GGA1: variants seen among roughly 807,000 people sequenced by gnomAD.
GGA1 encodes the protein ADP-ribosylation factor-binding protein GGA1.
Under a neutral mutation model 76.9 loss-of-function variants are expected in GGA1, and 18 were observed. That is an observed-to-expected ratio of 0.23 (90% CI 0.16 to 0.35). The LOEUF is 0.35. Among genes scored for constraint, GGA1 ranks in the 10% least tolerant of loss-of-function variants. The probability of loss-of-function intolerance (pLI) is 1.00; values close to 1 mark genes in which losing one functional copy is unlikely to be tolerated. For missense variants in GGA1, 755 were observed against 859.0 expected (o/e 0.88, Z 1.51); for synonymous variants, 342 against 354.7 (o/e 0.96, Z 0.40).
chr22:37,609,104 C>T (rs1487999233), intron 1 of GGA1: 2 of 1,485,442 alleles, frequency 1.3e-6, no homozygotes, highest in Non-Finnish European at 1.8e-6. Flanking sequence ...GCGGTGGGAG[C>T]GGGCGCCGCC....
At chr22:37,612,875 GT>G in intron 1 of GGA1, 1 of 978,296 alleles carries the variant, frequency 1.0e-6, no homozygotes. Context: ...AGTATTGGGG[GT>G]TAAAGGGGTA....
chr22:37,619,926 TC>T, intron 4 of GGA1: 1 of 682,938 alleles, frequency 1.5e-6, no homozygotes, highest in East Asian at 2.7e-5. Context: ...GGCTCCTCTT[TC>T]CTGGGATGTC....
chr22:37,613,494 G>A (rs1250575294), intron 1 of GGA1, among the ~76,000 whole-genome samples: 5 of 152,010 alleles, frequency 3.3e-5, no homozygotes, highest in Admixed American at 2.6e-4. Context: ...TCCGCCTCCC[G>A]GGTTCACGCC....
chr22:37,616,510 G>A (rs1928819994), intron 2 of GGA1, among the ~76,000 whole-genome samples: 1 of 152,186 alleles, frequency 6.6e-6, no homozygotes, highest in Non-Finnish European at 1.5e-5. Context: ...TGCCACAGCA[G>A]AACGTCCTTT....
chr22:37,615,189 T>C (rs1928533262), intron 2 of GGA1, among the ~76,000 whole-genome samples: 1 of 152,176 alleles, frequency 6.6e-6, no homozygotes, highest in African/African-American at 2.4e-5. Context: ...CTCACGCCTG[T>C]AATCCCAGCA....
chr22:37,616,902 G>T lies in GGA1; in HGVS notation c.129-20G>T, dbSNP rs1228584825. 1 of 1,593,220 alleles carries T rather than the reference G, an allele frequency of 6.3e-7. No individual in the cohort carries two copies. Among genetic ancestry groups the T allele is most frequent in the South Asian group, 1.1e-5 (1 of 88,054 alleles). Reference sequence around the variant, plus strand: ...GGGACTCCGTGGCGACTCTGGCTCTGTGTTGTTCCTCCCACCCAGGCCTCC... The same window carrying T: ...GGGACTCCGTGGCGACTCTGGCTCTTTGTTGTTCCTCCCACCCAGGCCTCC... On this transcript the variant is annotated intron_variant, in intron 2 of 16. Transcript: ENST00000343632.
Position 37,608,859 on chromosome 22 carries a change from G to A in GGA1, c.-2G>A, listed in dbSNP as rs571241611. The A allele has an allele frequency of 7.6e-6, 10 of 1,307,306 alleles. No individual in the cohort carries two copies. The highest frequency in any genetic ancestry group is 9.7e-6 in the Non-Finnish European group (10 of 1,029,168). 81.0% of individuals were successfully genotyped at this position (1,307,306 alleles called of 1,614,324 possible). A position where few individuals can be genotyped will look rare whatever the true frequency, so the allele number is the denominator to read the frequency against. On this transcript the variant is annotated 5_prime_UTR_variant, in exon 1 of 17. Coordinates refer to ENST00000343632, the MANE Select transcript of GGA1 (RefSeq NM_013365.5). ...GGTGCCGAGGCTGGGGGCCGGTGGC[G>A]GATGGAGCCCGCGATGGAGCCGGAG... is the stretch of plus-strand genomic sequence containing the variant.
intron 1 of GGA1, chr22:37,613,318 G>T: frequency 4.6e-6 from 1 of 215,390 alleles, no homozygotes; most frequent in Non-Finnish European, 7.9e-6. Context: ...ACTCCTCCTG[G>T]TCCCTGCTTG....
intron 14 of GGA1, 49 bp from the exon 15 acceptor site, chr22:37,631,947 G>A: frequency 1.3e-6 from 2 of 1,539,080 alleles, no homozygotes; most frequent in Non-Finnish European, 1.8e-6. Context: ...GGGCTGAGCG[G>A]ATGTGCTGCA....
At chr22:37,622,197 A>G (rs1438271899) in intron 7 of GGA1, among the ~76,000 whole-genome samples, 5 of 150,366 alleles carry the variant, frequency 3.3e-5, no homozygotes, top group East Asian at 2.0e-4. Flanking sequence ...TCCCACCTCA[A>G]CCTCCCAGGC....
chr22:37,632,849 T>TA lies in GGA1; in HGVS notation c.*139dup. On this transcript the variant is annotated 3_prime_UTR_variant, in exon 17 of 17. Transcript: ENST00000343632. This position sits in a 1 kb window ranked among gnomAD's most constrained non-coding sequence, Gnocchi z 5.1. ...CCTGGTGCTTCTCCCCACACCCCTG[T>TA]AGGCCTCAAGTGACTCTTCCCCCTC... 1.6e-6 allele frequency: 1 copy of TA among 629,830 alleles called. No homozygotes were observed. Among genetic ancestry groups the TA allele is most frequent in the Non-Finnish European group, 2.9e-6 (1 of 346,390 alleles). 39.0% of individuals were successfully genotyped at this position (629,830 alleles called of 1,614,324 possible). A position where few individuals can be genotyped will look rare whatever the true frequency, so the allele number is the denominator to read the frequency against.
At position 37,618,434 on chromosome 22, in the gene GGA1, C is replaced by G; in HGVS notation, c.205-14C>G. 6.4e-7 allele frequency: 1 copy of G among 1,556,552 alleles called. No individual in the cohort carries two copies. Among genetic ancestry groups the G allele is most frequent in the Non-Finnish European group, 8.9e-7 (1 of 1,127,990 alleles). The stretch of plus-strand genomic sequence containing the variant: ...GCACCTGGGCGTCCCCTCCCATCCC[C>G]CCTCCCTGCACAGGTGCTGGAAACA... On this transcript the variant is annotated splice_polypyrimidine_tract_variant and intron_variant, in intron 3 of 16. Coordinates refer to ENST00000343632, the MANE Select transcript of GGA1 (RefSeq NM_013365.5).
In GGA1 at chr22:37,623,973, G is replaced by A. The variant is rs1287336836; in HGVS notation, c.832+340G>A. ...AACAGTGGCAGAGCCAGGGGAGACG[G>A]AGGGCCATCTGCCCCCAGACCTTCC... On this transcript the variant is annotated intron_variant, in intron 9 of 16. Coordinates refer to ENST00000343632, the MANE Select transcript of GGA1 (RefSeq NM_013365.5). The surrounding 1 kb of genome is among the most constrained non-coding windows in gnomAD (Gnocchi z 4.6). The A allele has an allele frequency of 3.7e-6, 1 of 270,904 alleles. No homozygotes were observed. Among genetic ancestry groups the A allele is most frequent in the Non-Finnish European group, 7.2e-6 (1 of 138,368 alleles). The allele number at this position is 270,904 out of a possible 1,614,324, so 16.8% of individuals were successfully genotyped here.
rs1360510622 is a variant in GGA1, at chr22:37,623,271, G to T, written c.610-56G>T. The T allele has an allele frequency of 6.5e-6, 10 of 1,529,380 alleles. No homozygotes were observed. The Admixed American group carries it at 1.7e-4, about 26-fold the overall frequency. 94.7% of individuals were successfully genotyped at this position (1,529,380 alleles called of 1,614,324 possible). A position where few individuals can be genotyped will look rare whatever the true frequency, so the allele number is the denominator to read the frequency against. Reference sequence around the variant, plus strand: ...CACACATTCTCTCAAGTGGCAGGGGGCAGTGCCTCGTCCAGGCCAAAGGTT... The same window carrying T: ...CACACATTCTCTCAAGTGGCAGGGGTCAGTGCCTCGTCCAGGCCAAAGGTT... On this transcript the variant is annotated intron_variant, in intron 7 of 16. Transcript: ENST00000343632. This position sits in a 1 kb window ranked among gnomAD's most constrained non-coding sequence, Gnocchi z 4.6.
intron 14 of GGA1, 39 bp downstream of exon 14, chr22:37,631,138 A>T (rs777534102): frequency 6.9e-7 from 1 of 1,448,992 alleles, no homozygotes; most frequent in Non-Finnish European, 9.3e-7. Flanking sequence ...GGGTTGGGTC[A>T]GCTTGCTGCC....
chr22:37,630,571 CTT>C, intron 13 of GGA1: 1 of 444,544 alleles, frequency 2.2e-6, no homozygotes, highest in Non-Finnish European at 4.0e-6. Context: ...CAAAGAATCA[CTT>C]TTTCTTTTTT....
chr22:37,624,741 T>C lies in GGA1; in HGVS notation c.833-228T>C. On this transcript the variant is annotated intron_variant, in intron 9 of 16. Coordinates refer to ENST00000343632, the MANE Select transcript of GGA1 (RefSeq NM_013365.5). This position sits in a 1 kb window ranked among gnomAD's most constrained non-coding sequence, Gnocchi z 4.3. ...CCTGGAGGCGGGAGCGGGCCCAGTG[T>C]GTTGAGACAGCCCAGGCAGTATGGC... 1.9e-6 allele frequency: 1 copy of C among 518,428 alleles called. No homozygotes were observed. Among genetic ancestry groups the C allele is most frequent in the Non-Finnish European group, 3.4e-6 (1 of 289,964 alleles). The allele number at this position is 518,428 out of a possible 1,614,324, so 32.1% of individuals were successfully genotyped here. A position where few individuals can be genotyped will look rare whatever the true frequency, so the allele number is the denominator to read the frequency against.
intron 5 of GGA1, 135 bp from the exon 6 acceptor site, chr22:37,620,678 G>A: frequency 1.5e-6 from 1 of 687,956 alleles, no homozygotes; most frequent in Admixed American, 2.2e-5. Context: ...AGGCCACTAA[G>A]AGTCCAGAGC....
In GGA1 at chr22:37,623,465, A is replaced by G. The variant is rs1265847645; in HGVS notation, c.748A>G (p.Lys250Glu). 1 of 1,613,868 alleles carries G rather than the reference A, an allele frequency of 6.2e-7. No individual in the cohort carries two copies. Among genetic ancestry groups the G allele is most frequent in the Non-Finnish European group, 8.5e-7 (1 of 1,179,950 alleles). The change falls in exon 8 of 17, where the codon AAG becomes GAG. Residue 250 changes from lysine (K) to glutamate (E), a missense_variant and splice_region_variant. Lys to Glu is a moderately conservative substitution (Grantham distance 56). Coordinates refer to ENST00000343632, the MANE Select transcript of GGA1 (RefSeq NM_013365.5). This position sits in a 1 kb window ranked among gnomAD's most constrained non-coding sequence, Gnocchi z 4.6. The part of the protein sequence containing the change: ...AAAGSSEDLM[K>E]ELYQRCERMR... ...AGCTGGCAGCAGCGAGGACCTCATG[A>G]AGGTGCACCTGCCTCCCTGCCTACC...
Sources: allele counts gnomAD v4.1 joint callset (sites outside exome capture counted in the v4.1 genomes callset), GRCh38; gene constraint gnomAD v4.1.1; non-coding constraint Gnocchi (gnomAD v3.1); transcripts MANE v1.5; gene names NCBI Gene and HGNC (gene_info 2026-07-23, HGNC 2026-07-21).